PHF6: variants seen among roughly 807,000 people sequenced by gnomAD.
PHF6 encodes the protein PHD finger protein 6.
Under a neutral mutation model 34.0 loss-of-function variants are expected in PHF6, and 7 were observed. The observed-to-expected ratio is 0.21, with a 90% CI of 0.12 to 0.39. The LOEUF (loss-of-function observed/expected upper bound fraction) is 0.39. Among genes scored for constraint, PHF6 ranks in the 10% least tolerant of loss-of-function variants. The pLI is 1.00. For missense variants in PHF6, 128 were observed against 262.8 expected (o/e 0.49, Z 3.55); for synonymous variants, 89 against 88.4 (o/e 1.01, Z -0.04).
At position 134,409,521 on chromosome X, in the gene PHF6, T is replaced by C. The variant is rs955774108; in HGVS notation, c.419-3970T>C. Among the ~76,000 whole-genome samples, 5 of 111,932 alleles carry C rather than the reference T, an allele frequency of 4.5e-5. No homozygotes were observed. In the Admixed American group the frequency reaches 4.8e-4, roughly 11 times the overall value. On this transcript the variant is annotated intron_variant, in intron 5 of 10. Transcript: ENST00000370803. ...ACCACAGAATCAACTTTAAGTTTCA[T>C]TTCATTAAGTCAGATTAGTGAGAGC...
At chrX:134,385,343 A>T (rs2077327331) in intron 3 of PHF6, among the ~76,000 whole-genome samples, 1 of 111,830 alleles carries the variant, frequency 8.9e-6, no homozygotes. Context: ...AGCATAACAC[A>T]ATATGCGTTG....
At chrX:134,418,797 A>T (rs1369527492) in intron 9 of PHF6, 1 of 110,594 alleles carries the variant, frequency 9.0e-6, no homozygotes, top group Non-Finnish European at 1.9e-5. Context: ...CCTAACAAAG[A>T]TACGTTAAAA....
intron 1 of PHF6, 89 bp from the exon 2 acceptor site, chrX:134,377,483 C>A (rs1160597114): frequency 1.5e-6 from 1 of 667,339 alleles, no homozygotes; most frequent in Non-Finnish European, 2.2e-6. Flanking sequence ...TATATTAAAA[C>A]CTAGGTCAAA....
chrX:134,397,051 T>C (rs1265240097), intron 5 of PHF6, among the ~76,000 whole-genome samples: 1 of 111,746 alleles, frequency 8.9e-6, no homozygotes, highest in African/African-American at 3.2e-5. Flanking sequence ...CATGTTAGCT[T>C]TATATAAAAT....
intron 5 of PHF6, among the ~76,000 whole-genome samples, chrX:134,406,691 A>G (rs1316061327): frequency 8.9e-6 from 1 of 112,036 alleles, no homozygotes; most frequent in Non-Finnish European, 1.9e-5. Context: ...CTGTGCTGAT[A>G]AGAGGCTGGG....
chrX:134,383,452 TAAA>T (rs1219336841), intron 3 of PHF6, among the ~76,000 whole-genome samples: 1 of 110,861 alleles, frequency 9.0e-6, no homozygotes, highest in African/African-American at 3.3e-5. Context: ...TTTTTATTAT[TAAA>T]AAACCCTTCA....
chrX:134,390,371 T>A (rs1191936667), intron 3 of PHF6, among the ~76,000 whole-genome samples: 1 of 111,974 alleles, frequency 8.9e-6, no homozygotes, highest in African/African-American at 3.2e-5. Context: ...TATGTCTTCC[T>A]CTTTCTTGTC....
chrX:134,390,931 ATAATT>A (rs1429221420), intron 3 of PHF6, among the ~76,000 whole-genome samples: 1 of 105,561 alleles, frequency 9.5e-6, no homozygotes, highest in Non-Finnish European at 2.0e-5. Flanking sequence ...TGTGTATACT[ATAATT>A]TATTTAAACA....
At chrX:134,385,925 A>G (rs1038214491) in intron 3 of PHF6, among the ~76,000 whole-genome samples, 4 of 111,750 alleles carry the variant, frequency 3.6e-5, no homozygotes, top group Non-Finnish European at 5.6e-5. Flanking sequence ...CCCACTTTCT[A>G]CCAGCACAAT....
intron 5 of PHF6, among the ~76,000 whole-genome samples, chrX:134,396,222 T>C (rs889235514): frequency 3.6e-5 from 4 of 111,573 alleles, no homozygotes; most frequent in African/African-American, 9.8e-5. Flanking sequence ...ATTGAGACTA[T>C]GTTATGCTGT....
chrX:134,388,352 C>T (rs1212381494), intron 3 of PHF6, among the ~76,000 whole-genome samples: 1 of 111,697 alleles, frequency 9.0e-6, no homozygotes, highest in East Asian at 2.8e-4. Flanking sequence ...GTTTTTGGCT[C>T]GTATCTCCTG....
chrX:134,378,169 C>T lies in PHF6; in HGVS notation c.240+63C>T, dbSNP rs577791720. ...TTTAAACTCATTAAAGAGGAAATTG[C>T]TTATTTTAGAGTGTATTGCATTATT... On this transcript the variant is annotated intron_variant, in intron 3 of 10. Transcript: ENST00000370803. 4.3e-4 allele frequency: 333 copies of T among 769,136 alleles called. 1 individual carries two copies. In the South Asian group the frequency reaches 7.1e-3, roughly 16 times the overall value. 63.4% of individuals were successfully genotyped at this position (769,136 alleles called of 1,213,427 possible). A position where few individuals can be genotyped will look rare whatever the true frequency, so the allele number is the denominator to read the frequency against.
At chrX:134,403,288 CAG>C (rs2077410040) in intron 5 of PHF6, among the ~76,000 whole-genome samples, 1 of 111,875 alleles carries the variant, frequency 8.9e-6, no homozygotes, top group Non-Finnish European at 1.9e-5. Context: ...GAAAGTGAAA[CAG>C]CCCTATTGCT....
At chrX:134,393,479 T>A (rs778472358) in intron 3 of PHF6, 22 bp from the exon 4 acceptor site, 7 of 1,207,850 alleles carry the variant, frequency 5.8e-6, no homozygotes, top group South Asian at 5.3e-5. Flanking sequence ...ACTAATAATA[T>A]TATTTTGTCG....
chrX:134,417,600 C>T (rs1303909201), intron 9 of PHF6: 3 of 203,660 alleles, frequency 1.5e-5, no homozygotes, highest in African/African-American at 3.0e-5. Context: ...TGGCTCACAT[C>T]TGTAATCCCA....
At chrX:134,384,372 AAGC>A (rs2077320825) in intron 3 of PHF6, among the ~76,000 whole-genome samples, 1 of 111,602 alleles carries the variant, frequency 9.0e-6, no homozygotes, top group Non-Finnish European at 1.9e-5. Flanking sequence ...GGAAGGGTAA[AAGC>A]AGGATTTTTC....
At chrX:134,402,945 T>C (rs926265187) in intron 5 of PHF6, among the ~76,000 whole-genome samples, 6 of 111,928 alleles carry the variant, frequency 5.4e-5, no homozygotes, top group African/African-American at 1.9e-4. Flanking sequence ...AATTGATAAA[T>C]GTGGTGTGTG....
At chrX:134,391,451 C>T (rs1273993435) in intron 3 of PHF6, among the ~76,000 whole-genome samples, 2 of 111,617 alleles carry the variant, frequency 1.8e-5, no homozygotes, top group Non-Finnish European at 3.8e-5. Flanking sequence ...TTGAATAAGG[C>T]AAATTGCATT....
Position 134,426,412 on chromosome X carries a change from A to G in PHF6, c.*752A>G. 1 of 160,548 alleles carries G rather than the reference A, an allele frequency of 6.2e-6. No individual in the cohort carries two copies. Among genetic ancestry groups the G allele is most frequent in the Non-Finnish European group, 1.2e-5 (1 of 81,764 alleles). 13.2% of individuals were successfully genotyped at this position (160,548 alleles called of 1,213,427 possible). A position where few individuals can be genotyped will look rare whatever the true frequency, so the allele number is the denominator to read the frequency against. The stretch of plus-strand genomic sequence containing the variant: ...CAACAGCAAATTAAACGTTTTTAAG[A>G]TGTAAAGAAAGGGTTACCGCTTGCT... On this transcript the variant is annotated 3_prime_UTR_variant, in exon 11 of 11. Coordinates refer to ENST00000370803, the MANE Select transcript of PHF6 (RefSeq NM_001015877.2).
Sources: allele counts gnomAD v4.1 joint callset (sites outside exome capture counted in the v4.1 genomes callset), GRCh38; gene constraint gnomAD v4.1.1; transcripts MANE v1.5; gene names NCBI Gene and HGNC (gene_info 2026-07-23, HGNC 2026-07-21).